PPP2R2A: variants seen among roughly 807,000 people sequenced by gnomAD.
PPP2R2A encodes the protein serine/threonine-protein phosphatase 2A 55 kDa regulatory subunit B alpha isoform.
PPP2R2A carries 9 observed loss-of-function variants against 53.2 expected under a neutral mutation model. That is an observed-to-expected ratio of 0.17 (90% CI 0.10 to 0.30). The LOEUF is 0.30. PPP2R2A is among the 10% of genes least tolerant of loss of function. The probability of loss-of-function intolerance (pLI) is 1.00; values close to 1 mark genes in which losing one functional copy is unlikely to be tolerated. For synonymous variants in PPP2R2A, 169 were observed against 174.2 expected (o/e 0.97, Z 0.23); for missense variants, 235 against 534.6 (o/e 0.44, Z 5.53).
intron 3 of PPP2R2A, among the ~76,000 whole-genome samples, chr8:26,345,179 A>G (rs1040800231): frequency 3.3e-4 from 50 of 152,316 alleles, no homozygotes; most frequent in African/African-American, 1.2e-3. Context: ...CCTATCCCCA[A>G]GAAATTCTCC....
chr8:26,335,187 C>G (rs1295302840), intron 2 of PPP2R2A, among the ~76,000 whole-genome samples: 3 of 152,140 alleles, frequency 2.0e-5, no homozygotes, highest in Non-Finnish European at 4.4e-5. Flanking sequence ...GGATGTTTTT[C>G]TTGGTCTATG....
intron 3 of PPP2R2A, among the ~76,000 whole-genome samples, chr8:26,347,417 GTTTT>G (rs10706344): frequency 1.4e-5 from 2 of 142,184 alleles, no homozygotes; most frequent in East Asian, 2.1e-4. Flanking sequence ...TGCATGGAGG[GTTTT>G]TTTTTTTTTT....
intron 9 of PPP2R2A, among the ~76,000 whole-genome samples, chr8:26,369,124 TACACAC>T (rs375380252): frequency 2.0e-5 from 3 of 149,310 alleles, no homozygotes; most frequent in South Asian, 2.1e-4. Context: ...AAAAAAATTA[TACACAC>T]ACACACACAC....
At chr8:26,295,231 A>G (rs1030427148) in intron 2 of PPP2R2A, among the ~76,000 whole-genome samples, 6 of 152,218 alleles carry the variant, frequency 3.9e-5, no homozygotes, top group Non-Finnish European at 7.3e-5. Flanking sequence ...GGTGTCTGGA[A>G]CATAAACTCT....
chr8:26,329,489 C>T (rs1403914549), intron 2 of PPP2R2A, among the ~76,000 whole-genome samples: 1 of 152,112 alleles, frequency 6.6e-6, no homozygotes, highest in African/African-American at 2.4e-5. Flanking sequence ...TACCTTTTAT[C>T]TACCTACCTG....
At chr8:26,339,437 GT>G (rs2117329023) in intron 3 of PPP2R2A, among the ~76,000 whole-genome samples, 1 of 152,228 alleles carries the variant, frequency 6.6e-6, no homozygotes. Context: ...TAATAATACT[GT>G]TACAATGATT....
At chr8:26,334,398 C>T (rs560518445) in intron 2 of PPP2R2A, among the ~76,000 whole-genome samples, 2 of 152,118 alleles carry the variant, frequency 1.3e-5, no homozygotes, top group Admixed American at 6.5e-5. Context: ...ATACACAGTG[C>T]ATTGTTTAAA....
chr8:26,306,122 G>A (rs1036958999), intron 2 of PPP2R2A, among the ~76,000 whole-genome samples: 12 of 151,164 alleles, frequency 7.9e-5, no homozygotes, highest in African/African-American at 2.9e-4. Flanking sequence ...GCAGTGAGCC[G>A]AGATCGTGTC....
At chr8:26,294,183 AC>A (rs1801437056) in intron 2 of PPP2R2A, among the ~76,000 whole-genome samples, 1 of 152,178 alleles carries the variant, frequency 6.6e-6, no homozygotes, top group Admixed American at 6.5e-5. Context: ...TTTTTTAACT[AC>A]TTTTGAATTT....
At chr8:26,361,726 A>C (rs1805093491) in intron 6 of PPP2R2A, among the ~76,000 whole-genome samples, 1 of 151,966 alleles carries the variant, frequency 6.6e-6, no homozygotes, top group Non-Finnish European at 1.5e-5. Flanking sequence ...TTGGGAGGTC[A>C]AGGTGGGTGG....
chr8:26,301,850 C>A lies in PPP2R2A; in HGVS notation c.82+8110C>A, dbSNP rs111681314. Among the ~76,000 whole-genome samples, 215 of 152,250 alleles carry A rather than the reference C, an allele frequency of 1.4e-3. 2 individuals carry two copies. The highest frequency in any genetic ancestry group is 5.1e-3 in the African/African-American group (212 of 41,536). On this transcript the variant is annotated intron_variant, in intron 2 of 9. Transcript: ENST00000380737. ...TGACTTTGCAGCAGTGCTGCAGAAGCCATCTTAGCATGAGATCAAGACAGT... is the reference window on the plus strand; with the variant it reads ...TGACTTTGCAGCAGTGCTGCAGAAGACATCTTAGCATGAGATCAAGACAGT...
chr8:26,335,727 CTT>C (rs374551577), intron 2 of PPP2R2A, among the ~76,000 whole-genome samples: 3 of 152,140 alleles, frequency 2.0e-5, no homozygotes, highest in African/African-American at 7.2e-5. Context: ...TGGTGTAAAT[CTT>C]TGGTTCTTGT....
intron 3 of PPP2R2A, among the ~76,000 whole-genome samples, chr8:26,341,855 C>G (rs915937890): frequency 1.3e-5 from 2 of 152,172 alleles, no homozygotes; most frequent in African/African-American, 4.8e-5. Flanking sequence ...CAACAGAGAA[C>G]TTGGCACATC....
chr8:26,347,598 T>G (rs753373191), intron 3 of PPP2R2A, among the ~76,000 whole-genome samples: 8 of 152,166 alleles, frequency 5.3e-5, no homozygotes, highest in Non-Finnish European at 1.0e-4. Flanking sequence ...ATTAATTGTA[T>G]TTTATGCATT....
In PPP2R2A at chr8:26,370,197, C is replaced by A. The variant is rs1282209874; in HGVS notation, c.1128C>A (p.Asp376Glu). 6.2e-7 allele frequency: 1 copy of A among 1,614,122 alleles called. No individual in the cohort carries two copies. The highest frequency in any genetic ancestry group is 1.7e-5 in the Admixed American group (1 of 60,026). Residue 376 changes from aspartate to glutamate, a missense_variant, in exon 10 of 10, where the codon GAC (aspartate) becomes GAA (glutamate). Physicochemically the swap from Asp to Glu is conservative, Grantham distance 45. This residue lies in a region of PPP2R2A where 181 missense variants were observed against 409.9 expected (regional missense o/e 0.44). Coordinates refer to ENST00000380737, the MANE Select transcript of PPP2R2A (RefSeq NM_002717.4). The surrounding 1 kb of genome is among the most constrained non-coding windows in gnomAD (Gnocchi z 6.1). ...TGTTTGACAGAAACACAAAGCGAGA[C>A]ATAACCCTAGAAGCATCGCGGGAAA... ...FRMFDRNTKR[D>E]ITLEASRENN...
intron 2 of PPP2R2A, among the ~76,000 whole-genome samples, chr8:26,320,368 C>G (rs1354238819): frequency 6.6e-6 from 1 of 152,148 alleles, no homozygotes; most frequent in East Asian, 1.9e-4. Context: ...CCTCCGATAT[C>G]ATTAATATTC....
intron 7 of PPP2R2A, chr8:26,363,347 C>G (rs545394613): frequency 6.3e-5 from 11 of 173,338 alleles, no homozygotes; most frequent in Non-Finnish European, 1.2e-4. Flanking sequence ...AAAATAAGAT[C>G]CTGGTATGAA....
chr8:26,356,135 A>G (rs890593942), intron 4 of PPP2R2A, among the ~76,000 whole-genome samples: 8 of 152,178 alleles, frequency 5.3e-5, no homozygotes, highest in African/African-American at 1.7e-4. Context: ...TCATCCCCTC[A>G]CTATTAATTT....
intron 3 of PPP2R2A, among the ~76,000 whole-genome samples, chr8:26,341,999 T>C (rs1271700054): frequency 6.6e-6 from 1 of 152,208 alleles, no homozygotes; most frequent in Non-Finnish European, 1.5e-5. Context: ...CCAATCGTAA[T>C]ATAAAGAAAC....
Sources: allele counts gnomAD v4.1 joint callset (sites outside exome capture counted in the v4.1 genomes callset), GRCh38; gene constraint gnomAD v4.1.1; regional missense constraint gnomAD v4.1.1; non-coding constraint Gnocchi (gnomAD v3.1); transcripts MANE v1.5; gene names NCBI Gene and HGNC (gene_info 2026-07-23, HGNC 2026-07-21).